The following RANBP2 variants were observed in gnomAD, a reference collection of about 807,000 sequenced individuals.
The protein encoded by RANBP2 is RAN binding protein 2.
Under a neutral mutation model 303.6 loss-of-function variants are expected in RANBP2, and 57 were observed. The observed-to-expected ratio is 0.19, with a 90% CI of 0.15 to 0.23. RANBP2 has a LOEUF of 0.23. Ranked by LOEUF, RANBP2 falls within the 10% of genes least tolerant of loss-of-function variation. RANBP2 has a pLI of 1.00. For missense variants in RANBP2, 3,138 were observed against 3,780.8 expected, an observed-to-expected ratio of 0.83 and a Z score of 4.46; for synonymous variants, 1,167 against 1,301.5, an observed-to-expected ratio of 0.90 and a Z score of 2.23.
At chr2:109,549,969 G>C in the RANBP2 span, among the ~76,000 whole-genome samples, 1 of 152,110 alleles carries the variant, frequency 6.6e-6, no homozygotes, top group African/African-American at 2.4e-5. Flanking sequence ...GTACAATGCT[G>C]TATCTTTTGT....
the RANBP2 span, chr2:108,894,659 C>T: frequency 1.3e-5 from 2 of 152,494 alleles, no homozygotes; most frequent in African/African-American, 2.4e-5. Context: ...AGGATGGAGT[C>T]CCAGCTTTGG....
At chr2:108,723,361 ACT>A (rs555907263) in intron 1 of RANBP2, among the ~76,000 whole-genome samples, 85 of 150,058 alleles carry the variant, frequency 5.7e-4, no homozygotes, top group African/African-American at 1.9e-3. Flanking sequence ...CTCACTGCAA[ACT>A]CTGCCTCCCG....
At chr2:108,954,285 C>T in the RANBP2 span, among the ~76,000 whole-genome samples, 4 of 152,316 alleles carry the variant, frequency 2.6e-5, no homozygotes, top group African/African-American at 7.2e-5. Context: ...GATAGCTATA[C>T]ATCAAGACCT....
At chr2:109,093,664 T>A in the RANBP2 span, among the ~76,000 whole-genome samples, 67 of 152,206 alleles carry the variant, frequency 4.4e-4, no homozygotes, top group African/African-American at 1.6e-3. Flanking sequence ...TAAAATCAGT[T>A]TAGTTAAAAA....
At chr2:109,116,911 G>C in the RANBP2 span, among the ~76,000 whole-genome samples, 1 of 152,336 alleles carries the variant, frequency 6.6e-6, no homozygotes, top group African/African-American at 2.4e-5. Context: ...GACCCTGTTT[G>C]CCTGGGTAAC....
the RANBP2 span, among the ~76,000 whole-genome samples, chr2:109,471,192 G>A: frequency 7.3e-5 from 9 of 123,374 alleles, no homozygotes; most frequent in African/African-American, 2.3e-4. Flanking sequence ...CAGCCTGGGC[G>A]ACAGACTCTG....
At chr2:109,660,556 G>C in the RANBP2 span, among the ~76,000 whole-genome samples, 16 of 152,316 alleles carry the variant, frequency 1.1e-4, no homozygotes, top group African/African-American at 1.9e-4. Flanking sequence ...GAAAAACAAA[G>C]GGAGGAAAAG....
chr2:108,900,239 T>C, the RANBP2 span, among the ~76,000 whole-genome samples: 129 of 152,256 alleles, frequency 8.5e-4, no homozygotes, highest in African/African-American at 3.0e-3. Flanking sequence ...TAACAATGAC[T>C]ACATTTAATG....
chr2:108,756,278 T>TA lies in RANBP2; in HGVS notation c.2466+1020dup, dbSNP rs1196498332. 1.3e-5 allele frequency among the ~76,000 whole-genome samples: 2 copies of TA among 152,240 alleles called. 1 individual carries two copies. Among genetic ancestry groups the TA allele is most frequent in the Non-Finnish European group, 2.9e-5 (2 of 68,044 alleles). On this transcript the variant is annotated intron_variant, in intron 17 of 28. Transcript: ENST00000283195. ...AAGTGGTCTGAGCTTCAAAAAGTCT[T>TA]ACTATATTTTAATACTTCCATATGA...
the RANBP2 span, among the ~76,000 whole-genome samples, chr2:109,371,887 G>A: frequency 6.6e-6 from 1 of 152,204 alleles, no homozygotes; most frequent in African/African-American, 2.4e-5. Flanking sequence ...GTTTTGAGTG[G>A]CTGGTCCCAG....
At chr2:109,353,869 G>A in the RANBP2 span, among the ~76,000 whole-genome samples, 1 of 152,112 alleles carries the variant, frequency 6.6e-6, no homozygotes, top group African/African-American at 2.4e-5. Context: ...GTGGCCGCAG[G>A]TTCCCCTCAG....
At chr2:108,929,132 G>T in the RANBP2 span, 1 of 1,584,494 alleles carries the variant, frequency 6.3e-7, no homozygotes, top group Non-Finnish European at 8.6e-7. Flanking sequence ...CAAGGTCCTT[G>T]CCCGTAGCCC....
At chr2:108,823,020 T>C in the RANBP2 span, among the ~76,000 whole-genome samples, 1 of 152,194 alleles carries the variant, frequency 6.6e-6, no homozygotes, top group Non-Finnish European at 1.5e-5. Flanking sequence ...TTATCAACAA[T>C]TGCATGCCAA....
chr2:109,070,490 C>A, the RANBP2 span, among the ~76,000 whole-genome samples: 1 of 151,994 alleles, frequency 6.6e-6, no homozygotes, highest in African/African-American at 2.4e-5. Flanking sequence ...GCAGATCCTT[C>A]ATGAATGGCT....
At chr2:109,066,052 C>T in the RANBP2 span, among the ~76,000 whole-genome samples, 8 of 152,164 alleles carry the variant, frequency 5.3e-5, no homozygotes, top group African/African-American at 1.4e-4. Flanking sequence ...ATTCTCCTGC[C>T]TCGGCCTCCC....
chr2:109,254,633 T>G, the RANBP2 span, among the ~76,000 whole-genome samples: 1 of 152,178 alleles, frequency 6.6e-6, no homozygotes, highest in Admixed American at 6.5e-5. Context: ...GTCAAATAGT[T>G]TCTTTGTCTT....
the RANBP2 span, among the ~76,000 whole-genome samples, chr2:109,670,932 G>A: frequency 5.3e-5 from 8 of 152,218 alleles, no homozygotes; most frequent in Non-Finnish European, 1.0e-4. Flanking sequence ...TGTGGCTTGG[G>A]GAGCTGGGCA....
chr2:108,890,463 T>G, the RANBP2 span, among the ~76,000 whole-genome samples: 3 of 152,180 alleles, frequency 2.0e-5, no homozygotes, highest in Non-Finnish European at 4.4e-5. Flanking sequence ...CAGGCTGGTC[T>G]TGTACTCCTG....
chr2:109,511,365 C>A, the RANBP2 span, among the ~76,000 whole-genome samples: 2 of 152,214 alleles, frequency 1.3e-5, no homozygotes, highest in African/African-American at 2.4e-5. Context: ...GCCCAGTATA[C>A]CACATGCCCC....
Sources: gnomAD v4.1 joint callset for allele counts (sites outside exome capture counted in the v4.1 genomes callset) on GRCh38, gnomAD v4.1.1 for gene constraint, MANE v1.5 for transcripts, NCBI Gene and HGNC (gene_info 2026-07-23, HGNC 2026-07-21) for gene names.